The following LMO7 variants were observed in gnomAD, a reference collection of about 807,000 sequenced individuals.
The protein encoded by LMO7 is LIM domain 7, also known as LIM domain only protein 7.
Under a neutral mutation model 206.5 loss-of-function variants are expected in LMO7, and 120 were observed. That is an observed-to-expected ratio of 0.58 (90% CI 0.50 to 0.68). LMO7 has a LOEUF of 0.68. LMO7 is among the 30% of genes least tolerant of loss of function. The pLI is 0.00. For synonymous variants in LMO7, 706 were observed against 681.5 expected, an observed-to-expected ratio of 1.04 and a Z score of -0.56; for missense variants, 1,959 against 1,957.9, an observed-to-expected ratio of 1.00 and a Z score of -0.01.
intron 4 of LMO7, among the ~76,000 whole-genome samples, chr13:75,775,289 A>C (rs2050227903): frequency 6.6e-6 from 1 of 152,066 alleles, no homozygotes; most frequent in South Asian, 2.1e-4. Flanking sequence ...CACACTTCTC[A>C]CCGTATACAA....
chr13:75,687,688 T>C (rs540905829), intron 1 of LMO7, among the ~76,000 whole-genome samples: 1 of 152,344 alleles, frequency 6.6e-6, no homozygotes, highest in South Asian at 2.1e-4. Flanking sequence ...ATATTAATTC[T>C]ACTGTCTCCC....
intron 4 of LMO7, among the ~76,000 whole-genome samples, chr13:75,785,677 A>G (rs1298213021): frequency 2.0e-5 from 3 of 152,218 alleles, no homozygotes; most frequent in African/African-American, 7.2e-5. Flanking sequence ...AGAGGACAGC[A>G]TAGAATTAGT....
chr13:75,621,992 G>C (rs1446006345), intron 1 of LMO7: 1 of 523,404 alleles, frequency 1.9e-6, no homozygotes, highest in African/African-American at 1.9e-5. Context: ...AAGGCAAGAA[G>C]TAAATACTGC....
At position 75,805,538 on chromosome 13, in the gene LMO7, C is replaced by G; in HGVS notation, c.974C>G (p.Ser325Ter). Residue 325 changes from serine to a stop codon, truncating the protein, a stop_gained, in exon 9 of 31, where the codon TCA becomes TGA. Coordinates refer to ENST00000377534, the MANE Select transcript of LMO7 (RefSeq NM_001306080.2). LOFTEE classifies it high-confidence loss of function. Reference sequence around the variant, plus strand: ...AACTGGCCAACTGTACAAGGAACTTCAAAGTCCTCTTGTTATTTGGAAGAG... The same window carrying G: ...AACTGGCCAACTGTACAAGGAACTTGAAAGTCCTCTTGTTATTTGGAAGAG... ...VENWPTVQGT[S>*]KSSCYLEEEK... 6.2e-7 allele frequency: 1 copy of G among 1,614,008 alleles called. No individual in the cohort carries two copies. The highest frequency in any genetic ancestry group is 8.5e-7 in the Non-Finnish European group (1 of 1,179,884).
At chr13:75,783,788 G>A (rs1247785474) in intron 4 of LMO7, among the ~76,000 whole-genome samples, 1 of 152,172 alleles carries the variant, frequency 6.6e-6, no homozygotes, top group Non-Finnish European at 1.5e-5. Context: ...TAGGCACTGA[G>A]GTAGGTCTTG....
At chr13:75,621,560 C>T in exon 1 of LMO7, 1 of 413,534 alleles carries the variant, frequency 2.4e-6, no homozygotes, top group Non-Finnish European at 4.2e-6. Flanking sequence ...GTTATTATTA[C>T]CATTCATGTT....
chr13:75,785,670 G>A (rs2052319603), intron 4 of LMO7, among the ~76,000 whole-genome samples: 1 of 152,118 alleles, frequency 6.6e-6, no homozygotes, highest in South Asian at 2.1e-4. Context: ...GTATTCAAGA[G>A]GACAGCATAG....
chr13:75,797,974 C>T (rs1419090545), intron 6 of LMO7, among the ~76,000 whole-genome samples: 1 of 152,132 alleles, frequency 6.6e-6, no homozygotes. Flanking sequence ...TTGGTCACTG[C>T]AATGAAGAAT....
chr13:75,720,904 TA>T (rs2043968242), intron 2 of LMO7, among the ~76,000 whole-genome samples: 1 of 152,212 alleles, frequency 6.6e-6, no homozygotes, highest in East Asian at 1.9e-4. Flanking sequence ...AAAGTTATCA[TA>T]AATATTTATA....
chr13:75,845,950 G>A (rs2059959910), intron 26 of LMO7, among the ~76,000 whole-genome samples: 1 of 152,090 alleles, frequency 6.6e-6, no homozygotes, highest in South Asian at 2.1e-4. Flanking sequence ...GCATAAGCAG[G>A]CGGCTGGTCA....
At chr13:75,707,939 G>A (rs1237500478) in intron 1 of LMO7, among the ~76,000 whole-genome samples, 4 of 151,930 alleles carry the variant, frequency 2.6e-5, no homozygotes, top group Non-Finnish European at 4.4e-5. Context: ...AACCATTATG[G>A]ATAGTTGGGT....
chr13:75,798,627 CAT>C (rs1306082990), intron 6 of LMO7, among the ~76,000 whole-genome samples: 14 of 152,202 alleles, frequency 9.2e-5, no homozygotes, highest in African/African-American at 3.4e-4. Flanking sequence ...GACTATATCA[CAT>C]GTTTTGTATC....
In LMO7 at chr13:75,648,281, C is replaced by T. The variant is rs184415699; in HGVS notation, c.69+11555C>T. Reference sequence around the variant, plus strand: ...TTTTTATGATTGTTTCTAGCTGTTACTTGAATTAAAAGGTATTATTATTTT... The same window carrying T: ...TTTTTATGATTGTTTCTAGCTGTTATTTGAATTAAAAGGTATTATTATTTT... On this transcript the variant is annotated intron_variant, in intron 1 of 30. Coordinates refer to ENST00000377534, the MANE Select transcript of LMO7 (RefSeq NM_001306080.2). Among the ~76,000 whole-genome samples, 349 of 152,142 alleles carry T rather than the reference C, an allele frequency of 2.3e-3. 1 individual carries two copies. Among genetic ancestry groups the T allele is most frequent in the Non-Finnish European group, 3.8e-3 (260 of 68,008 alleles).
At position 75,859,823 on chromosome 13, in the gene LMO7, C is replaced by G. The variant is rs2061161665; in HGVS notation, c.*1880C>G. 6.6e-6 allele frequency: 1 copy of G among 152,178 alleles called. No homozygotes were observed. Among genetic ancestry groups the G allele is most frequent in the Admixed American group, 6.5e-5 (1 of 15,280 alleles). 9.4% of individuals were successfully genotyped at this position (152,178 alleles called of 1,614,324 possible). On this transcript the variant is annotated 3_prime_UTR_variant, in exon 31 of 31. Coordinates refer to ENST00000377534, the MANE Select transcript of LMO7 (RefSeq NM_001306080.2). ...CTGCCTGATGTGTATGCAGAGGCAG[C>G]CCTCAATATGCAGTGGTTGAATAAA...
chr13:75,696,353 TCAAAAAAA>T lies in LMO7; in HGVS notation c.70-16824_70-16817del, dbSNP rs750703320. Reference sequence around the variant, plus strand: ...CTGGGCGACAGAGTGAGACTCCATCTCAAAAAAACAAACAAACAAACAAACAAACAAAA... The same window carrying T: ...CTGGGCGACAGAGTGAGACTCCATCTCAAACAAACAAACAAACAAACAAAA... On this transcript the variant is annotated intron_variant, in intron 1 of 30. Transcript: ENST00000377534. Among the ~76,000 whole-genome samples the T allele has an allele frequency of 6.5e-3, 928 of 143,596 alleles. 9 individuals carry two copies. The highest frequency in any genetic ancestry group is 0.013 in the South Asian group (59 of 4,428). The allele number at this position is 143,596 out of a possible 152,430, so 94.2% of individuals were successfully genotyped here.
chr13:75,766,344 G>T (rs544441408), intron 4 of LMO7, among the ~76,000 whole-genome samples: 1 of 148,056 alleles, frequency 6.8e-6, no homozygotes, highest in Non-Finnish European at 1.5e-5. Flanking sequence ...GTGATTATTT[G>T]TGTGAGGGTA....
chr13:75,636,217 A>C (rs2035815686), upstream of LMO7: 3 of 853,538 alleles, frequency 3.5e-6, no homozygotes, highest in South Asian at 4.9e-5. Context: ...CCGGGGAGCC[A>C]AGGGAGGGGC....
chr13:75,632,319 T>C (rs1470819213), upstream of LMO7, among the ~76,000 whole-genome samples: 1 of 152,214 alleles, frequency 6.6e-6, no homozygotes. Flanking sequence ...GATTGGTGCC[T>C]GAGCTGACTT....
At chr13:75,703,278 G>GGT (rs2137934487) in intron 1 of LMO7, among the ~76,000 whole-genome samples, 1 of 152,264 alleles carries the variant, frequency 6.6e-6, no homozygotes, top group Admixed American at 6.5e-5. Context: ...AAGTGATGAG[G>GGT]GTGTGTAAGC....
Sources: gnomAD v4.1 joint callset for allele counts (sites outside exome capture counted in the v4.1 genomes callset) on GRCh38, gnomAD v4.1.1 for gene constraint, MANE v1.5 for transcripts, NCBI Gene and HGNC (gene_info 2026-07-23, HGNC 2026-07-21) for gene names.